SGCZ: variants seen among roughly 807,000 people sequenced by gnomAD.
SGCZ encodes zeta-sarcoglycan.
In SGCZ, 40 loss-of-function variants were observed where a neutral mutation model predicts 41.3. The observed-to-expected ratio is 0.97, with a 90% confidence interval of 0.75 to 1.26. The LOEUF (loss-of-function observed/expected upper bound fraction) is 1.26. Among genes scored for constraint, SGCZ ranks in the 50% most tolerant of loss-of-function variants. The probability of loss-of-function intolerance (pLI) is 0.00; values close to 1 mark genes in which losing one functional copy is unlikely to be tolerated. For synonymous variants in SGCZ, 206 were observed against 137.5 expected (o/e 1.50, Z -3.49); for missense variants, 552 against 369.8 (o/e 1.49, Z -4.04).
At chr8:14,309,219 A>T (rs1801445450) in intron 3 of SGCZ, 2 of 1,502,586 alleles carry the variant, frequency 1.3e-6, no homozygotes, top group South Asian at 1.1e-5. Context: ...TCTAAGTTTG[A>T]TACTGTTGAA....
chr8:14,943,872 C>A lies in SGCZ; in HGVS notation c.39+293713G>T, dbSNP rs375374458. Among the ~76,000 whole-genome samples the A allele has an allele frequency of 3.3e-5, 5 of 152,120 alleles. No individual in the cohort carries two copies. The East Asian group carries it at 5.8e-4, about 18-fold the overall frequency. On this transcript the variant is annotated intron_variant, in intron 1 of 7. Transcript: ENST00000382080. ...TGTATTAGTTTCCTTAGGAAAGTGA[C>A]CTCTAGCTCTAACCATGTTACTGCA...
At chr8:14,211,797 T>A (rs984212560) in intron 4 of SGCZ, among the ~76,000 whole-genome samples, 3 of 152,046 alleles carry the variant, frequency 2.0e-5, no homozygotes, top group Non-Finnish European at 2.9e-5. Context: ...CCTTCTCCAA[T>A]TCAACATGAG....
intron 3 of SGCZ, among the ~76,000 whole-genome samples, chr8:14,250,406 G>C (rs1015221065): frequency 1.3e-5 from 2 of 152,080 alleles, no homozygotes; most frequent in Admixed American, 1.3e-4. Context: ...CAATACTGCA[G>C]TTAAGCTACA....
At chr8:14,216,284 G>C (rs1040314278) in intron 4 of SGCZ, among the ~76,000 whole-genome samples, 1 of 152,042 alleles carries the variant, frequency 6.6e-6, no homozygotes, top group Non-Finnish European at 1.5e-5. Flanking sequence ...CTGGACTTCC[G>C]AGAAGTTTTG....
At chr8:14,591,094 C>T (rs529226867) in intron 1 of SGCZ, among the ~76,000 whole-genome samples, 27 of 151,112 alleles carry the variant, frequency 1.8e-4, no homozygotes, top group African/African-American at 6.3e-4. Context: ...GGACAAGAGA[C>T]CAGAGTCATC....
In SGCZ at chr8:14,240,386, G is replaced by A. The variant is rs559796291; in HGVS notation, c.337-2707C>T. Among the ~76,000 whole-genome samples the A allele has an allele frequency of 2.4e-4, 35 of 146,586 alleles. No individual in the cohort carries two copies. In the South Asian group the frequency reaches 2.8e-3, roughly 12 times the overall value. On this transcript the variant is annotated intron_variant, in intron 3 of 7. Coordinates refer to ENST00000382080, the MANE Select transcript of SGCZ (RefSeq NM_139167.4). ...GAAAGTTTAAAAGTTTAATCATTCC[G>A]CATCTTTGTTTGCAACATAGCAATC...
At chr8:14,600,339 A>G (rs975192808) in intron 1 of SGCZ, among the ~76,000 whole-genome samples, 4 of 152,200 alleles carry the variant, frequency 2.6e-5, no homozygotes, top group African/African-American at 9.7e-5. Flanking sequence ...TCAGAAGGGT[A>G]AATCTCCAGA....
In SGCZ at chr8:14,511,278, A is replaced by C. The variant is rs534141541; in HGVS notation, c.234+43454T>G. Among the ~76,000 whole-genome samples, 41 of 152,122 alleles carry C rather than the reference A, an allele frequency of 2.7e-4. 1 individual carries two copies. The highest frequency in any genetic ancestry group is 9.4e-4 in the African/African-American group (39 of 41,526). On this transcript the variant is annotated intron_variant, in intron 2 of 7. Coordinates refer to ENST00000382080, the MANE Select transcript of SGCZ (RefSeq NM_139167.4). The stretch of plus-strand genomic sequence containing the variant: ...CATTCTAATGCAATGATTATTTAAT[A>C]ATAAAAATTGTCTTTTTTTAAATCT...
rs114480741 is a variant in SGCZ, at chr8:15,149,124, C to T, written c.39+88461G>A. On this transcript the variant is annotated intron_variant, in intron 1 of 7. Coordinates refer to ENST00000382080, the MANE Select transcript of SGCZ (RefSeq NM_139167.4). The stretch of plus-strand genomic sequence containing the variant: ...GATGCAATCACCGGTGGTCCTTCCC[C>T]ACAGCAGGTCAGAGGCTCTGGAAAC... Among the ~76,000 whole-genome samples, 894 of 152,152 alleles carry T rather than the reference C, an allele frequency of 5.9e-3. 11 individuals carry two copies. Among genetic ancestry groups the T allele is most frequent in the African/African-American group, 0.02 (850 of 41,474 alleles).
At chr8:14,520,394 G>A (rs13259015) in intron 2 of SGCZ, among the ~76,000 whole-genome samples, 54,613 of 151,842 alleles carry the variant, frequency 0.36, 10,488 homozygotes, top group African/African-American at 0.52. Context: ...GTTATAATCT[G>A]TGGCAACTGA....
intron 2 of SGCZ, among the ~76,000 whole-genome samples, chr8:14,336,839 G>A (rs1032646650): frequency 2.0e-5 from 3 of 152,050 alleles, no homozygotes; most frequent in African/African-American, 7.2e-5. Context: ...TTACCTCAAA[G>A]AATTACTATC....
At chr8:14,490,172 C>T (rs1450888174) in intron 2 of SGCZ, among the ~76,000 whole-genome samples, 2 of 152,036 alleles carry the variant, frequency 1.3e-5, no homozygotes, top group Non-Finnish European at 2.9e-5. Context: ...GGCCAACTCT[C>T]CTGCCTTTTA....
At chr8:14,197,299 C>T (rs188057432) in intron 4 of SGCZ, among the ~76,000 whole-genome samples, 10 of 152,154 alleles carry the variant, frequency 6.6e-5, no homozygotes, top group South Asian at 6.2e-4. Flanking sequence ...TATTGTGACA[C>T]GAATGTTACT....
intron 1 of SGCZ, among the ~76,000 whole-genome samples, chr8:14,972,028 C>T (rs7006724): frequency 0.069 from 10,528 of 151,910 alleles, 525 homozygotes; most frequent in African/African-American, 0.13. Context: ...TGTTTGGTTT[C>T]GGGTTATTAC....
intron 1 of SGCZ, among the ~76,000 whole-genome samples, chr8:14,639,798 C>G (rs1168430055): frequency 6.6e-6 from 1 of 150,458 alleles, no homozygotes; most frequent in Non-Finnish European, 1.5e-5. Flanking sequence ...TTTCTTGATA[C>G]AGGATAATTT....
intron 5 of SGCZ, among the ~76,000 whole-genome samples, chr8:14,139,650 A>G (rs533745772): frequency 6.6e-6 from 1 of 152,180 alleles, no homozygotes; most frequent in Non-Finnish European, 1.5e-5. Context: ...AAGAAGTTGA[A>G]TCCCTGAATA....
rs542783685 is a variant in SGCZ, at chr8:14,620,251, A to C, written c.40-65325T>G. On this transcript the variant is annotated intron_variant, in intron 1 of 7. Coordinates refer to ENST00000382080, the MANE Select transcript of SGCZ (RefSeq NM_139167.4). ...GGCTAGCCATATGTAGAAAGCTGAA[A>C]CTGGATCCCTTCCTTACACCTTATA... 5.2e-4 allele frequency among the ~76,000 whole-genome samples: 79 copies of C among 152,304 alleles called. 1 individual carries two copies. In the East Asian group the frequency reaches 0.015, roughly 28 times the overall value.
intron 1 of SGCZ, among the ~76,000 whole-genome samples, chr8:14,606,956 C>T (rs1048711910): frequency 6.6e-6 from 1 of 152,088 alleles, no homozygotes; most frequent in Admixed American, 6.6e-5. Context: ...CTGTGTGAGG[C>T]TAATGTTACT....
intron 2 of SGCZ, among the ~76,000 whole-genome samples, chr8:14,332,120 A>G (rs1358373795): frequency 7.2e-5 from 11 of 152,154 alleles, no homozygotes; most frequent in Admixed American, 7.2e-4. Flanking sequence ...CCACAAAAAA[A>G]TGCAGGATGA....
Sources: allele counts gnomAD v4.1 joint callset (sites outside exome capture counted in the v4.1 genomes callset), GRCh38; gene constraint gnomAD v4.1.1; transcripts MANE v1.5; gene names NCBI Gene and HGNC (gene_info 2026-07-23, HGNC 2026-07-21).